The following RAD18 variants were observed in gnomAD, a reference collection of about 807,000 sequenced individuals.
The protein encoded by RAD18 is E3 ubiquitin-protein ligase RAD18.
Under a neutral mutation model 60.4 loss-of-function variants are expected in RAD18, and 47 were observed. The observed-to-expected ratio is 0.78, with a 90% CI of 0.62 to 0.99. The LOEUF (loss-of-function observed/expected upper bound fraction) is 0.99. Among genes scored for constraint, RAD18 ranks in the 50% least tolerant of loss-of-function variants. The probability of loss-of-function intolerance (pLI) is 0.00; values close to 1 mark genes in which losing one functional copy is unlikely to be tolerated. For missense variants in RAD18, 640 were observed against 593.3 expected (o/e 1.08, Z -0.82); for synonymous variants, 225 against 195.5 (o/e 1.15, Z -1.26).
intron 10 of RAD18, 34 bp from the exon 11 acceptor site, chr3:8,899,081 T>C (rs2035220): frequency 0.11 from 166,858 of 1,511,098 alleles, 10,338 homozygotes; most frequent in African/African-American, 0.23. Context: ...TACCTTAAAA[T>C]CTACAACTTC....
chr3:8,883,270 T>C (rs1157202339), intron 12 of RAD18, among the ~76,000 whole-genome samples: 1 of 152,154 alleles, frequency 6.6e-6, no homozygotes. Flanking sequence ...ACACTTCAAA[T>C]CAAGATCAAA....
chr3:8,926,392 C>T (rs146840209), intron 7 of RAD18, among the ~76,000 whole-genome samples: 2,429 of 152,262 alleles, frequency 0.016, 63 homozygotes, highest in African/African-American at 0.056. Flanking sequence ...CAAACCATTG[C>T]TCAATGAAAT....
At chr3:8,928,049 T>TAA (rs58756851) in intron 7 of RAD18, among the ~76,000 whole-genome samples, 2,058 of 121,730 alleles carry the variant, frequency 0.017, 56 homozygotes, top group African/African-American at 0.052. Flanking sequence ...CCCTAAAACT[T>TAA]AAAAAAAAAA....
chr3:8,898,162 G>A (rs907084545), intron 11 of RAD18, among the ~76,000 whole-genome samples: 11 of 152,128 alleles, frequency 7.2e-5, no homozygotes, highest in Non-Finnish European at 1.6e-4. Context: ...GAAAAATGTA[G>A]AGCTCTAACA....
intron 10 of RAD18, among the ~76,000 whole-genome samples, chr3:8,900,812 A>C (rs1030795783): frequency 1.3e-4 from 20 of 152,198 alleles, no homozygotes; most frequent in African/African-American, 4.8e-4. Context: ...ACCCTCTCAG[A>C]CATCTCATTC....
rs113854562 is a variant in RAD18, at chr3:8,930,678, C to T, written c.889+5193G>A. 3.7e-4 allele frequency among the ~76,000 whole-genome samples: 57 copies of T among 152,084 alleles called. 2 individuals carry two copies. The South Asian group carries it at 0.011, about 29-fold the overall frequency. Reference sequence around the variant, plus strand: ...AATAAGGAAATGACAATTCAACACGCCTTCATAATAATAAACTAGGAAGGG... The same window carrying T: ...AATAAGGAAATGACAATTCAACACGTCTTCATAATAATAAACTAGGAAGGG... On this transcript the variant is annotated intron_variant, in intron 7 of 12. Coordinates refer to ENST00000264926, the MANE Select transcript of RAD18 (RefSeq NM_020165.4).
At chr3:8,944,265 C>G (rs1940803336) in intron 4 of RAD18, among the ~76,000 whole-genome samples, 1 of 152,042 alleles carries the variant, frequency 6.6e-6, no homozygotes, top group Admixed American at 6.6e-5. Flanking sequence ...CTGAAGAGCC[C>G]TTATTATCTG....
At chr3:8,962,677 C>T (rs1187427735) in intron 1 of RAD18, among the ~76,000 whole-genome samples, 4 of 152,214 alleles carry the variant, frequency 2.6e-5, no homozygotes, top group Admixed American at 6.5e-5. Flanking sequence ...TAAATGGAAA[C>T]TGGTATGCCT....
At chr3:8,916,928 G>T (rs142323593) in intron 7 of RAD18, among the ~76,000 whole-genome samples, 35 of 152,218 alleles carry the variant, frequency 2.3e-4, no homozygotes, top group African/African-American at 6.5e-4. Context: ...AATCGTTGAA[G>T]AACTGTCTAG....
chr3:8,912,129 AAGC>A (rs1940114067), intron 9 of RAD18, among the ~76,000 whole-genome samples, 180 bp downstream of exon 9: 1 of 152,166 alleles, frequency 6.6e-6, no homozygotes, highest in African/African-American at 2.4e-5. Flanking sequence ...AAAAATCAAA[AAGC>A]AGGCATATAA....
intron 2 of RAD18, among the ~76,000 whole-genome samples, chr3:8,953,685 A>C (rs1940961717): frequency 6.6e-6 from 1 of 152,232 alleles, no homozygotes; most frequent in Admixed American, 6.5e-5. Flanking sequence ...CAATGAATTA[A>C]AGAGTAGTTT....
At position 8,924,586 on chromosome 3, in the gene RAD18, C is replaced by T. The variant is rs565701908; in HGVS notation, c.890-10866G>A. 1.2e-3 allele frequency among the ~76,000 whole-genome samples: 166 copies of T among 134,836 alleles called. 1 individual carries two copies. The highest frequency in any genetic ancestry group is 4.0e-3 in the African/African-American group (148 of 36,686). The allele number at this position is 134,836 out of a possible 152,430, so 88.5% of individuals were successfully genotyped here. A position where few individuals can be genotyped will look rare whatever the true frequency, so the allele number is the denominator to read the frequency against. Reference sequence around the variant, plus strand: ...CCTAATAGACATCTACAGAACTCTCCACCCCAAATCAACAGAATATACACT... The same window carrying T: ...CCTAATAGACATCTACAGAACTCTCTACCCCAAATCAACAGAATATACACT... On this transcript the variant is annotated intron_variant, in intron 7 of 12. Coordinates refer to ENST00000264926, the MANE Select transcript of RAD18 (RefSeq NM_020165.4).
chr3:8,902,556 C>G (rs1939932281), intron 9 of RAD18, 36 bp from the exon 10 acceptor site: 4 of 1,558,664 alleles, frequency 2.6e-6, no homozygotes, highest in Non-Finnish European at 3.5e-6. Context: ...AAAGCTAGGA[C>G]TATGAAAGTT....
chr3:8,929,069 TA>T (rs374883741), intron 7 of RAD18, among the ~76,000 whole-genome samples: 12 of 152,110 alleles, frequency 7.9e-5, no homozygotes, highest in Admixed American at 2.6e-4. Context: ...AAATACAACC[TA>T]TCAATGTCTG....
chr3:8,956,074 T>G (rs2124845027), intron 2 of RAD18, among the ~76,000 whole-genome samples: 1 of 152,348 alleles, frequency 6.6e-6, no homozygotes, highest in Non-Finnish European at 1.5e-5. Context: ...AATGTGGTCT[T>G]TCTCTCAAAA....
intron 9 of RAD18, among the ~76,000 whole-genome samples, chr3:8,904,614 T>C (rs781518736): frequency 2.0e-5 from 3 of 152,202 alleles, no homozygotes; most frequent in Non-Finnish European, 4.4e-5. Flanking sequence ...GGACACAAGC[T>C]AGGTGATTTC....
intron 12 of RAD18, among the ~76,000 whole-genome samples, chr3:8,887,455 A>C (rs894930472): frequency 1.7e-4 from 26 of 152,226 alleles, no homozygotes; most frequent in African/African-American, 5.5e-4. Context: ...ACTCACATTT[A>C]TGTGTAAAGA....
In RAD18 at chr3:8,941,797, G is replaced by T; in HGVS notation, c.274C>A (p.Leu92Met). Residue 92 changes from leucine (L) to methionine (M), a missense_variant, in exon 5 of 13, where the codon CTG becomes ATG. Coordinates refer to ENST00000264926, the MANE Select transcript of RAD18 (RefSeq NM_020165.4). ...VKSLNFARNH[L>M]LQFALESPAK... is the part of the protein sequence containing the mutation. ...GGTGACTCTAAAGCAAACTGCAGCA[G>T]ATGATTCCTTGAAGCACAAAGAACA... is the stretch of plus-strand genomic sequence containing the variant. 6.2e-7 allele frequency: 1 copy of T among 1,609,144 alleles called. No homozygotes were observed. The highest frequency in any genetic ancestry group is 8.5e-7 in the Non-Finnish European group (1 of 1,177,088).
At chr3:8,884,998 T>C (rs1165051934) in intron 12 of RAD18, among the ~76,000 whole-genome samples, 1 of 152,242 alleles carries the variant, frequency 6.6e-6, no homozygotes. Flanking sequence ...TGGGAGGATA[T>C]TCCTGGGGAG....
Sources: gnomAD v4.1 joint callset for allele counts (sites outside exome capture counted in the v4.1 genomes callset) on GRCh38, gnomAD v4.1.1 for gene constraint, MANE v1.5 for transcripts, NCBI Gene and HGNC (gene_info 2026-07-23, HGNC 2026-07-21) for gene names.